The following KIAA1328 variants were observed in gnomAD, a reference collection of about 807,000 sequenced individuals.
The protein encoded by KIAA1328 is protein hinderin.
In KIAA1328, 52 loss-of-function variants were observed where a neutral mutation model predicts 68.1. That is an observed-to-expected ratio of 0.76 (90% CI 0.61 to 0.96). The LOEUF (loss-of-function observed/expected upper bound fraction) is 0.96. KIAA1328 is among the 40% of genes least tolerant of loss of function. KIAA1328 has a pLI of 0.00. For missense variants in KIAA1328, 641 were observed against 677.6 expected, an observed-to-expected ratio of 0.95 and a Z score of 0.60; for synonymous variants, 232 against 239.4, an observed-to-expected ratio of 0.97 and a Z score of 0.28.
intron 7 of KIAA1328, among the ~76,000 whole-genome samples, chr18:37,119,988 T>A (rs2058225843): frequency 6.6e-6 from 1 of 152,156 alleles, no homozygotes; most frequent in African/African-American, 2.4e-5. Flanking sequence ...TCATTAGTTT[T>A]GACAAATGTA....
At chr18:36,948,613 G>A (rs552377319) in intron 5 of KIAA1328, among the ~76,000 whole-genome samples, 1 of 146,826 alleles carries the variant, frequency 6.8e-6, no homozygotes, top group South Asian at 2.1e-4. Context: ...AAAATGGCAC[G>A]ATCTCAGCTC....
chr18:37,178,911 T>G (rs1026795770), intron 9 of KIAA1328, among the ~76,000 whole-genome samples: 2 of 152,168 alleles, frequency 1.3e-5, no homozygotes, highest in African/African-American at 4.8e-5. Context: ...TTTAACCTAT[T>G]TTTTTAGTCA....
intron 5 of KIAA1328, among the ~76,000 whole-genome samples, chr18:36,920,257 C>T (rs900331169): frequency 6.6e-6 from 1 of 152,040 alleles, no homozygotes; most frequent in African/African-American, 2.4e-5. Flanking sequence ...TAGGTTCATT[C>T]TCCTGCATGT....
chr18:36,870,530 C>T (rs1601071597), intron 4 of KIAA1328, among the ~76,000 whole-genome samples: 2 of 152,214 alleles, frequency 1.3e-5, no homozygotes, highest in African/African-American at 4.8e-5. Flanking sequence ...CAATCCATCC[C>T]TTCCTGTCCT....
At chr18:37,123,293 C>A (rs192914549) in intron 7 of KIAA1328, among the ~76,000 whole-genome samples, 1 of 152,004 alleles carries the variant, frequency 6.6e-6, no homozygotes, top group East Asian at 1.9e-4. Flanking sequence ...TGAGGGCAAC[C>A]AGTAGAGTTG....
At chr18:37,164,284 G>C (rs891591425) in intron 8 of KIAA1328, among the ~76,000 whole-genome samples, 3 of 151,936 alleles carry the variant, frequency 2.0e-5, no homozygotes, top group African/African-American at 7.3e-5. Flanking sequence ...TTTTTCTTTC[G>C]ATGCCCTTAT....
chr18:37,003,928 C>T (rs563575740), intron 6 of KIAA1328, among the ~76,000 whole-genome samples: 36 of 152,106 alleles, frequency 2.4e-4, no homozygotes, highest in Admixed American at 1.1e-3. Context: ...GTTCTCCATT[C>T]TGTTCCATTG....
chr18:36,856,433 G>T (rs1306314018), intron 4 of KIAA1328, among the ~76,000 whole-genome samples: 2 of 151,980 alleles, frequency 1.3e-5, no homozygotes, highest in African/African-American at 4.8e-5. Flanking sequence ...TGTTTCTTGT[G>T]CCTTCTCACA....
chr18:37,198,047 A>C (rs1005467438), intron 9 of KIAA1328, among the ~76,000 whole-genome samples: 4 of 152,218 alleles, frequency 2.6e-5, no homozygotes, highest in Non-Finnish European at 5.9e-5. Context: ...TACATACTAC[A>C]ACATGGATAA....
rs556097378 is a variant in KIAA1328, at chr18:36,949,242, CA to C, written c.449-10060del. On this transcript the variant is annotated intron_variant, in intron 5 of 9. Coordinates refer to ENST00000280020, the MANE Select transcript of KIAA1328 (RefSeq NM_020776.3). The stretch of plus-strand genomic sequence containing the variant: ...CCAGCTGAAACATAGAACTTTTAAA[CA>C]AAAAATAAATTTTTAAGCAAGTTAG... Among the ~76,000 whole-genome samples, 21 of 152,114 alleles carry C rather than the reference CA, an allele frequency of 1.4e-4. No individual in the cohort carries two copies. The South Asian group carries it at 4.4e-3, about 32-fold the overall frequency.
At chr18:37,062,601 G>A (rs1211654609) in intron 6 of KIAA1328, among the ~76,000 whole-genome samples, 1 of 151,830 alleles carries the variant, frequency 6.6e-6, no homozygotes, top group Non-Finnish European at 1.5e-5. Context: ...GACTGCAGGC[G>A]CTTGCCACCA....
chr18:36,891,919 G>A (rs751239497), intron 5 of KIAA1328, among the ~76,000 whole-genome samples: 1 of 152,156 alleles, frequency 6.6e-6, no homozygotes, highest in Non-Finnish European at 1.5e-5. Flanking sequence ...TAATCTTTCT[G>A]AGGACTGTAT....
intron 7 of KIAA1328, among the ~76,000 whole-genome samples, chr18:37,110,169 CAA>C (rs941978253): frequency 6.6e-6 from 1 of 151,590 alleles, no homozygotes; most frequent in African/African-American, 2.4e-5. Context: ...TGGTAGAATC[CAA>C]AAGACTGTTA....
chr18:37,034,257 A>T (rs1476864180), intron 6 of KIAA1328, among the ~76,000 whole-genome samples: 1 of 152,180 alleles, frequency 6.6e-6, no homozygotes, highest in African/African-American at 2.4e-5. Flanking sequence ...ATACAAAAAA[A>T]GGTATATAAC....
intron 7 of KIAA1328, among the ~76,000 whole-genome samples, chr18:37,100,680 C>T (rs983992101): frequency 6.6e-6 from 1 of 152,206 alleles, no homozygotes; most frequent in Admixed American, 6.5e-5. Flanking sequence ...TAGTGGTTCT[C>T]CCAGCACGCA....
At chr18:36,931,362 G>A (rs2050303186) in intron 5 of KIAA1328, among the ~76,000 whole-genome samples, 1 of 151,984 alleles carries the variant, frequency 6.6e-6, no homozygotes, top group African/African-American at 2.4e-5. Context: ...TATCATAGGA[G>A]TGCAAACCCT....
intron 7 of KIAA1328, among the ~76,000 whole-genome samples, chr18:37,151,232 A>T (rs542070772): frequency 6.6e-6 from 1 of 152,340 alleles, no homozygotes; most frequent in South Asian, 2.1e-4. Flanking sequence ...GAAGCAAAAT[A>T]TCTCTACATG....
intron 5 of KIAA1328, among the ~76,000 whole-genome samples, chr18:36,897,658 C>T (rs1404427701): frequency 2.6e-5 from 4 of 151,998 alleles, no homozygotes; most frequent in East Asian, 1.9e-4. Flanking sequence ...CAAGTAGCCA[C>T]CTCTGTCTTA....
chr18:37,122,988 A>C (rs780470133), intron 7 of KIAA1328, among the ~76,000 whole-genome samples: 37 of 152,198 alleles, frequency 2.4e-4, no homozygotes, highest in Non-Finnish European at 4.7e-4. Context: ...AGTGCAGTGC[A>C]ATGATTTAAT....
Sources: gnomAD v4.1 joint callset for allele counts (sites outside exome capture counted in the v4.1 genomes callset) on GRCh38, gnomAD v4.1.1 for gene constraint, MANE v1.5 for transcripts, NCBI Gene and HGNC (gene_info 2026-07-23, HGNC 2026-07-21) for gene names.